HOMER1: variants seen among roughly 807,000 people sequenced by gnomAD.
HOMER1 encodes homer protein homolog 1.
Under a neutral mutation model 48.9 loss-of-function variants are expected in HOMER1, and 3 were observed. The ratio of observed to expected loss-of-function variants is 0.06; its 90% confidence interval spans 0.03 to 0.16. HOMER1 has a LOEUF of 0.16. HOMER1 is among the 10% of genes least tolerant of loss of function. The probability of loss-of-function intolerance (pLI) is 1.00; values close to 1 mark genes in which losing one functional copy is unlikely to be tolerated. For synonymous variants in HOMER1, 134 were observed against 146.4 expected, an observed-to-expected ratio of 0.92 and a Z score of 0.61; for missense variants, 247 against 411.4, an observed-to-expected ratio of 0.60 and a Z score of 3.46.
intron 1 of HOMER1, among the ~76,000 whole-genome samples, chr5:79,497,663 A>G (rs1035745681): frequency 2.6e-5 from 3 of 114,804 alleles, no homozygotes; most frequent in African/African-American, 4.1e-5. Flanking sequence ...TGTCTCAAAG[A>G]AAAAAAAAAA....
chr5:79,509,530 C>T (rs540106439), intron 1 of HOMER1, among the ~76,000 whole-genome samples: 2 of 152,280 alleles, frequency 1.3e-5, no homozygotes, highest in South Asian at 4.1e-4. Flanking sequence ...GGGCTCCTCA[C>T]TGAGGCTTCA....
At chr5:79,415,789 T>C (rs527600161) in intron 5 of HOMER1, among the ~76,000 whole-genome samples, 1 of 152,358 alleles carries the variant, frequency 6.6e-6, no homozygotes, top group South Asian at 2.1e-4. Flanking sequence ...ATTAAACATC[T>C]GTATTAAGAA....
At chr5:79,418,084 G>A (rs1440315431) in intron 5 of HOMER1, among the ~76,000 whole-genome samples, 7 of 152,236 alleles carry the variant, frequency 4.6e-5, no homozygotes, top group Non-Finnish European at 7.3e-5. Context: ...ATATAACATC[G>A]AATTATTTAA....
At chr5:79,465,838 C>A (rs573124742) in intron 1 of HOMER1, among the ~76,000 whole-genome samples, 1 of 152,018 alleles carries the variant, frequency 6.6e-6, no homozygotes, top group South Asian at 2.1e-4. Flanking sequence ...CGTGATCCGC[C>A]GGCCTCAGCC....
intron 2 of HOMER1, among the ~76,000 whole-genome samples, chr5:79,454,082 G>A (rs548160005): frequency 8.5e-5 from 13 of 152,228 alleles, no homozygotes; most frequent in East Asian, 5.8e-4. Context: ...AATCAGCAAC[G>A]TATATTCAGA....
chr5:79,486,017 C>T (rs1218556899), intron 1 of HOMER1, among the ~76,000 whole-genome samples: 1 of 152,174 alleles, frequency 6.6e-6, no homozygotes, highest in African/African-American at 2.4e-5. Context: ...CTTCTGCCTG[C>T]TTCTCTTAGG....
intron 1 of HOMER1, among the ~76,000 whole-genome samples, chr5:79,512,215 G>T (rs144225999): frequency 6.6e-6 from 1 of 152,198 alleles, no homozygotes; most frequent in Admixed American, 6.5e-5. Flanking sequence ...GACCGCATCA[G>T]TAAGACTGAA....
chr5:79,409,532 G>A (rs1233313946), intron 5 of HOMER1, among the ~76,000 whole-genome samples: 2 of 151,564 alleles, frequency 1.3e-5, no homozygotes, highest in East Asian at 3.9e-4. Context: ...AAACAGGTAA[G>A]GTGGACTACA....
intron 1 of HOMER1, among the ~76,000 whole-genome samples, chr5:79,490,854 C>T (rs1752252245): frequency 6.6e-6 from 1 of 150,466 alleles, no homozygotes; most frequent in South Asian, 2.1e-4. Flanking sequence ...ACTTGGAAGG[C>T]TGAGGCAGAA....
At chr5:79,448,999 A>G (rs1039988977) in intron 3 of HOMER1, among the ~76,000 whole-genome samples, 1 of 152,160 alleles carries the variant, frequency 6.6e-6, no homozygotes, top group Non-Finnish European at 1.5e-5. Context: ...CCATTCTCAG[A>G]GAAAAGTTCA....
In HOMER1 at chr5:79,485,278, G is replaced by A. The variant is rs193129393; in HGVS notation, c.5+27492C>T. Among the ~76,000 whole-genome samples, 3 of 152,284 alleles carry A rather than the reference G, an allele frequency of 2.0e-5. No individual in the cohort carries two copies. In the East Asian group the frequency reaches 5.8e-4, roughly 29 times the overall value. On this transcript the variant is annotated intron_variant, in intron 1 of 8. Transcript: ENST00000334082. ...GCTTCTTGCCACGCACGGGGTGATAGAGGAATAGAAAACAGATTTGTGGGT... is the reference window on the plus strand; with the variant it reads ...GCTTCTTGCCACGCACGGGGTGATAAAGGAATAGAAAACAGATTTGTGGGT...
chr5:79,445,658 G>A (rs1750855138), intron 4 of HOMER1, among the ~76,000 whole-genome samples: 1 of 152,194 alleles, frequency 6.6e-6, no homozygotes, highest in Admixed American at 6.5e-5. Flanking sequence ...TGTGGCTAAC[G>A]CCTGTAATCT....
chr5:79,389,303 A>G (rs1001922327), intron 8 of HOMER1, among the ~76,000 whole-genome samples: 1 of 152,200 alleles, frequency 6.6e-6, no homozygotes, highest in Non-Finnish European at 1.5e-5. Flanking sequence ...AAGATCTCAG[A>G]AAGTATGTAT....
chr5:79,399,603 A>G (rs1175569686), intron 6 of HOMER1, among the ~76,000 whole-genome samples: 2 of 152,230 alleles, frequency 1.3e-5, no homozygotes, highest in African/African-American at 2.4e-5. Flanking sequence ...CTAACAAAGC[A>G]TAAGTACACA....
chr5:79,427,842 C>T (rs1750314327), intron 5 of HOMER1, among the ~76,000 whole-genome samples: 2 of 150,986 alleles, frequency 1.3e-5, no homozygotes, highest in Non-Finnish European at 2.9e-5. Flanking sequence ...TCCTTTCCTT[C>T]CTTCAAGGTT....
At chr5:79,382,801 GAAC>G (rs1227641192) in intron 8 of HOMER1, among the ~76,000 whole-genome samples, 1 of 152,064 alleles carries the variant, frequency 6.6e-6, no homozygotes, top group Non-Finnish European at 1.5e-5. Flanking sequence ...TCACAATGAC[GAAC>G]AATAGGAGAA....
chr5:79,448,203 C>T (rs576317235), intron 3 of HOMER1, among the ~76,000 whole-genome samples: 1 of 152,268 alleles, frequency 6.6e-6, no homozygotes, highest in African/African-American at 2.4e-5. Context: ...TCCAATTGAA[C>T]AGAGTATCTC....
intron 1 of HOMER1, among the ~76,000 whole-genome samples, chr5:79,469,896 G>C (rs1751572721): frequency 6.6e-6 from 1 of 152,196 alleles, no homozygotes; most frequent in African/African-American, 2.4e-5. Flanking sequence ...AATCCCTGTA[G>C]TGATGTGGTG....
intron 1 of HOMER1, among the ~76,000 whole-genome samples, chr5:79,492,246 A>T (rs181835452): frequency 6.6e-6 from 1 of 151,756 alleles, no homozygotes; most frequent in East Asian, 1.9e-4. Flanking sequence ...GTGCCCATAT[A>T]AAAAAAAATC....
Sources: allele counts gnomAD v4.1 joint callset (sites outside exome capture counted in the v4.1 genomes callset), GRCh38; gene constraint gnomAD v4.1.1; transcripts MANE v1.5; gene names NCBI Gene and HGNC (gene_info 2026-07-23, HGNC 2026-07-21).